Variants in LRP1B observed in about 807,000 individuals in gnomAD.
The protein encoded by LRP1B is low-density lipoprotein receptor-related protein 1B.
A neutral mutation model predicts 556.6 loss-of-function variants in LRP1B; 217 were observed. The observed-to-expected ratio is 0.39, with a 90% CI of 0.35 to 0.44. LRP1B has a LOEUF of 0.44. Among genes scored for constraint, LRP1B ranks in the 20% least tolerant of loss-of-function variants. The pLI is 1.00. For missense variants in LRP1B, 5,053 were observed against 5,620.8 expected, an observed-to-expected ratio of 0.90 and a Z score of 3.23; for synonymous variants, 2,047 against 1,865.8, an observed-to-expected ratio of 1.10 and a Z score of -2.50.
At chr2:141,690,440 T>TATATATAA (rs1558806640) in intron 2 of LRP1B, among the ~76,000 whole-genome samples, 4 of 132,800 alleles carry the variant, frequency 3.0e-5, no homozygotes, top group African/African-American at 1.1e-4. Context: ...TATATATATA[T>TATATATAA]AATTACAAAT....
chr2:141,076,254 G>T (rs111524566), intron 7 of LRP1B, among the ~76,000 whole-genome samples: 21 of 152,316 alleles, frequency 1.4e-4, no homozygotes, highest in African/African-American at 4.8e-4. Flanking sequence ...CATGCATTTT[G>T]ATAATTGCAG....
At chr2:142,107,469 A>G (rs552822493) in intron 1 of LRP1B, among the ~76,000 whole-genome samples, 1 of 152,094 alleles carries the variant, frequency 6.6e-6, no homozygotes, top group Non-Finnish European at 1.5e-5. Flanking sequence ...GCCCCACCAG[A>G]TGCTGACACC....
intron 35 of LRP1B, among the ~76,000 whole-genome samples, chr2:140,765,066 T>C (rs973679389): frequency 6.6e-6 from 1 of 152,038 alleles, no homozygotes; most frequent in African/African-American, 2.4e-5. Flanking sequence ...TGGCCTCAAG[T>C]GATCTTGCCA....
At chr2:141,130,519 T>G (rs1463849523) in intron 7 of LRP1B, among the ~76,000 whole-genome samples, 5 of 152,100 alleles carry the variant, frequency 3.3e-5, no homozygotes, top group Admixed American at 6.6e-5. Context: ...GAGCACTATT[T>G]GGAAATATAT....
chr2:142,040,505 T>C (rs1704025869), intron 1 of LRP1B, among the ~76,000 whole-genome samples: 1 of 151,330 alleles, frequency 6.6e-6, no homozygotes, highest in Admixed American at 6.6e-5. Context: ...TGGAGACTTA[T>C]TCTTCTTGAT....
chr2:141,315,926 T>C (rs1048877088), intron 3 of LRP1B, among the ~76,000 whole-genome samples: 1 of 136,522 alleles, frequency 7.3e-6, no homozygotes, highest in Admixed American at 7.8e-5. Flanking sequence ...TTAACATCTC[T>C]ACATTAGTAT....
At chr2:140,733,751 A>G (rs10199928) in intron 35 of LRP1B, among the ~76,000 whole-genome samples, 2 of 152,158 alleles carry the variant, frequency 1.3e-5, no homozygotes, top group South Asian at 4.1e-4. Context: ...AGTGATAGAA[A>G]TAGTCCATTT....
chr2:142,117,284 C>T (rs879337241), intron 1 of LRP1B, among the ~76,000 whole-genome samples: 2 of 152,128 alleles, frequency 1.3e-5, no homozygotes, highest in Non-Finnish European at 2.9e-5. Flanking sequence ...TCCACGTTCT[C>T]TCCCCCGATT....
At chr2:142,041,854 C>T (rs769637822) in intron 1 of LRP1B, among the ~76,000 whole-genome samples, 17 of 151,578 alleles carry the variant, frequency 1.1e-4, no homozygotes, top group Non-Finnish European at 2.1e-4. Context: ...CAGAACTTCT[C>T]AGCACAGTTT....
In LRP1B at chr2:141,315,181, T is replaced by C. The variant is rs560592189; in HGVS notation, c.344-60540A>G. Among the ~76,000 whole-genome samples the C allele has an allele frequency of 5.8e-4, 85 of 145,562 alleles. 1 individual carries two copies. Among genetic ancestry groups the C allele is most frequent in the African/African-American group, 2.1e-3 (83 of 39,958 alleles). On this transcript the variant is annotated intron_variant, in intron 3 of 90. Coordinates refer to ENST00000389484, the MANE Select transcript of LRP1B (RefSeq NM_018557.3). ...TAGAAACTTTTTGAATGTTGAATTA[T>C]ACAAATATGAAAAATGAACATAATA... is the stretch of plus-strand genomic sequence containing the variant.
intron 2 of LRP1B, among the ~76,000 whole-genome samples, chr2:141,591,182 C>T (rs1687320931): frequency 6.6e-6 from 1 of 152,148 alleles, no homozygotes; most frequent in Non-Finnish European, 1.5e-5. Flanking sequence ...CCCATTTTCA[C>T]TTCCCTCTCT....
intron 1 of LRP1B, among the ~76,000 whole-genome samples, chr2:141,975,563 G>T (rs1184152842): frequency 6.6e-6 from 1 of 152,060 alleles, no homozygotes; most frequent in African/African-American, 2.4e-5. Context: ...TCCTTTTAGT[G>T]GCTTAAGGAC....
At chr2:140,261,072 ATAT>A in intron 86 of LRP1B, among the ~76,000 whole-genome samples, 1 of 150,692 alleles carries the variant, frequency 6.6e-6, no homozygotes, top group East Asian at 1.9e-4. Flanking sequence ...TATATATAAT[ATAT>A]ATGATGAAAG....
At chr2:141,524,561 TTTTG>T (rs1375228287) in intron 2 of LRP1B, among the ~76,000 whole-genome samples, 2 of 152,112 alleles carry the variant, frequency 1.3e-5, no homozygotes, top group African/African-American at 4.8e-5. Context: ...GTAAGTTTTT[TTTTG>T]TTTGTTTTTT....
intron 1 of LRP1B, among the ~76,000 whole-genome samples, chr2:142,043,450 A>G (rs1307769909): frequency 2.0e-5 from 3 of 151,642 alleles, no homozygotes; most frequent in Non-Finnish European, 3.0e-5. Flanking sequence ...AGAAAGCAGC[A>G]ATAAAGCATC....
At position 140,769,269 on chromosome 2, in the gene LRP1B, T is replaced by A; in HGVS notation, c.5702A>T (p.Asp1901Val). Residue 1901 changes from aspartate to valine, a missense_variant, in exon 35 of 91, where the codon GAT becomes GTT. By Grantham distance (152) the Asp-to-Val change is radical (BLOSUM62 -3). Around this residue, in one of 5 missense-constraint regions of LRP1B, gnomAD observed 3,619 missense variants for 3,931.9 expected, o/e 0.92. Coordinates refer to ENST00000389484, the MANE Select transcript of LRP1B (RefSeq NM_018557.3). ...GIPLEPSDKM[D>V]ALMPISGTSF... is the part of the protein sequence containing the mutation. ...AGTTCCTGATATAGGCATCAAAGCA[T>A]CCATTTTGTCACTTGGTTCAAGAGG... 6.2e-7 allele frequency: 1 copy of A among 1,612,382 alleles called. No homozygotes were observed. The highest frequency in any genetic ancestry group is 2.2e-5 in the East Asian group (1 of 44,806).
At chr2:141,506,076 C>T (rs4359580) in intron 2 of LRP1B, among the ~76,000 whole-genome samples, 148,215 of 152,148 alleles carry the variant, frequency 0.97, 72,305 homozygotes, top group East Asian at 1. Flanking sequence ...ATTAGACAAA[C>T]GAGAGGAGAA....
chr2:140,688,244 C>T (rs1033418457), intron 41 of LRP1B, among the ~76,000 whole-genome samples: 2 of 152,152 alleles, frequency 1.3e-5, no homozygotes, highest in African/African-American at 4.8e-5. Context: ...TTGAGCTACA[C>T]ATGTAAACAC....
intron 17 of LRP1B, among the ~76,000 whole-genome samples, chr2:140,985,589 A>T (rs1351574068): frequency 1.3e-5 from 2 of 151,792 alleles, no homozygotes; most frequent in African/African-American, 4.8e-5. Flanking sequence ...AATATTCTGG[A>T]TGTTGACAGA....
Sources: allele counts gnomAD v4.1 joint callset (sites outside exome capture counted in the v4.1 genomes callset), GRCh38; gene constraint gnomAD v4.1.1; regional missense constraint gnomAD v4.1.1; transcripts MANE v1.5; gene names NCBI Gene and HGNC (gene_info 2026-07-23, HGNC 2026-07-21).